Variants in ADAM17 observed in about 807,000 individuals in gnomAD.
ADAM17 encodes ADAM metallopeptidase domain 17, also known as disintegrin and metalloproteinase domain-containing protein 17.
ADAM17 carries 39 observed loss-of-function variants against 96.7 expected under a neutral mutation model. That is an observed-to-expected ratio of 0.40 (90% CI 0.31 to 0.53). The LOEUF (loss-of-function observed/expected upper bound fraction) is 0.53. ADAM17 is among the 20% of genes least tolerant of loss of function. The pLI, the probability that ADAM17 is intolerant of heterozygous loss-of-function variation, is 0.44. For synonymous variants in ADAM17, 344 were observed against 359.2 expected (o/e 0.96, Z 0.48); for missense variants, 777 against 1,013.2 (o/e 0.77, Z 3.17).
At chr2:9,505,045 G>T in intron 12 of ADAM17, 121 bp downstream of exon 12, 1 of 1,123,122 alleles carries the variant, frequency 8.9e-7, no homozygotes, top group Non-Finnish European at 1.3e-6. Context: ...AGAGGTAGAT[G>T]TAAACAAACA....
chr2:9,524,695 C>T (rs1664448350), intron 6 of ADAM17, among the ~76,000 whole-genome samples: 1 of 152,150 alleles, frequency 6.6e-6, no homozygotes, highest in Admixed American at 6.5e-5. Flanking sequence ...ACTCTCACCC[C>T]AAAAAGTTCA....
chr2:9,555,811 G>T lies in ADAM17; in HGVS notation c.-206C>A. On this transcript the variant is annotated 5_prime_UTR_variant, in exon 1 of 19. It adds an upstream start codon to the 5' untranslated region. Coordinates refer to ENST00000310823, the MANE Select transcript of ADAM17 (RefSeq NM_003183.6). ...GGTGGCGTTACCAAAGGCCGGCTCA[G>T]CCAGCTTCCGGCCGCCGCTGTCCCC... 4.6e-6 allele frequency: 2 copies of T among 437,174 alleles called. No individual in the cohort carries two copies. The highest frequency in any genetic ancestry group is 5.7e-5 in the South Asian group (1 of 17,446). The allele number at this position is 437,174 out of a possible 1,614,324, so 27.1% of individuals were successfully genotyped here.
chr2:9,525,300 A>G (rs957188064), intron 6 of ADAM17, among the ~76,000 whole-genome samples: 7 of 88,670 alleles, frequency 7.9e-5, no homozygotes, highest in East Asian at 2.1e-4. Context: ...CTCTGTGTTG[A>G]AAAAAAAAAA....
rs1365431202 is a variant in ADAM17 at position 9,502,224 on chromosome 2, T to A, written c.1597A>T (p.Lys533Ter). 5.0e-6 allele frequency: 8 copies of A among 1,613,946 alleles called. No homozygotes were observed. Reference protein sequence around the residue: ...KNCQFETAQKKCQEAINATCK... With the variant: ...KNCQFETAQK Reference sequence around the variant, plus strand: ...GTAGCATTAATCGCCTCCTGGCACTTCTTCTGGGCAGTCTCAAACTGACAG... The same window carrying A: ...GTAGCATTAATCGCCTCCTGGCACTACTTCTGGGCAGTCTCAAACTGACAG... Residue 533 changes from lysine to a stop codon, truncating the protein, a stop_gained, in exon 13 of 19, where the codon AAG (lysine) becomes TAG (stop). Coordinates refer to ENST00000310823, the MANE Select transcript of ADAM17 (RefSeq NM_003183.6). LOFTEE classifies it high-confidence loss of function.
chr2:9,522,343 T>G, intron 7 of ADAM17: 1 of 530,136 alleles, frequency 1.9e-6, no homozygotes. Flanking sequence ...CATGAATGTC[T>G]TTGGGGAAAG....
At chr2:9,520,081 C>T (rs1310727354) in intron 8 of ADAM17, among the ~76,000 whole-genome samples, 1 of 152,176 alleles carries the variant, frequency 6.6e-6, no homozygotes, top group African/African-American at 2.4e-5. Context: ...TCTATTGAAG[C>T]TTTGAAAACT....
At chr2:9,554,226 T>G (rs1665672372) in intron 1 of ADAM17, among the ~76,000 whole-genome samples, 1 of 152,248 alleles carries the variant, frequency 6.6e-6, no homozygotes, top group South Asian at 2.1e-4. Context: ...GTCAGGGTGG[T>G]GCAAATATAA....
In ADAM17 at chr2:9,490,303, T is replaced by C. The variant is rs1662017199; in HGVS notation, c.2349A>G (p.Pro783=). 1.2e-6 allele frequency: 2 copies of C among 1,614,050 alleles called. No homozygotes were observed. The highest frequency in any genetic ancestry group is 1.7e-5 in the Admixed American group (1 of 59,994). ...DEDGFEKDPF[P]NSSTAAKSFE... is the part of the protein sequence containing the mutation. ...ATGACTTGGCAGCTGTGCTGCTATT[T>C]GGGAAGGGGTCCTTCTCAAACCCAT... Residue 783 remains proline (P), a synonymous_variant, in exon 19 of 19, where the codon CCA becomes CCG. Coordinates refer to ENST00000310823, the MANE Select transcript of ADAM17 (RefSeq NM_003183.6).
At chr2:9,516,617 G>T (rs1249582510) in intron 10 of ADAM17, among the ~76,000 whole-genome samples, 2 of 152,070 alleles carry the variant, frequency 1.3e-5, no homozygotes, top group Non-Finnish European at 2.9e-5. Context: ...GCCAGGCGTG[G>T]TGACAGGTGC....
chr2:9,546,543 C>A (rs1398251991), intron 1 of ADAM17, among the ~76,000 whole-genome samples: 1 of 152,124 alleles, frequency 6.6e-6, no homozygotes, highest in East Asian at 1.9e-4. Context: ...TTTTTACAGG[C>A]TTTACAACAG....
intron 6 of ADAM17, among the ~76,000 whole-genome samples, chr2:9,525,207 G>A (rs1206571600): frequency 1.3e-5 from 2 of 150,994 alleles, no homozygotes; most frequent in Non-Finnish European, 3.0e-5. Flanking sequence ...GCTGAGGCAG[G>A]AGAATTGCTT....
In ADAM17 at chr2:9,505,270, G is replaced by A; in HGVS notation, c.1440C>T (p.Asn480=). Residue 480 remains asparagine, a synonymous_variant, in exon 12 of 19, where the codon AAC becomes AAT. Coordinates refer to ENST00000310823, the MANE Select transcript of ADAM17 (RefSeq NM_003183.6). ...FQERSNKVCG[N]SRVDEGEECD... is the part of the protein sequence containing the mutation. Reference sequence around the variant, plus strand: ...ACTCTTCTCCTTCATCCACCCTCGAGTTCCCACAAACTTTATTGCTGCGTT... The same window carrying A: ...ACTCTTCTCCTTCATCCACCCTCGAATTCCCACAAACTTTATTGCTGCGTT... The A allele has an allele frequency of 1.2e-6, 2 of 1,614,086 alleles. No homozygotes were observed. Among genetic ancestry groups the A allele is most frequent in the Non-Finnish European group, 1.7e-6 (2 of 1,180,022 alleles).
intron 1 of ADAM17, among the ~76,000 whole-genome samples, chr2:9,546,869 C>T (rs1342541806): frequency 6.6e-6 from 1 of 152,128 alleles, no homozygotes; most frequent in Non-Finnish European, 1.5e-5. Context: ...ACCACCTATC[C>T]AGCTAATTTT....
chr2:9,536,629 T>G lies in ADAM17; in HGVS notation c.361+69A>C, dbSNP rs547981108. On this transcript the variant is annotated intron_variant, in intron 3 of 18. Transcript: ENST00000310823. Reference sequence around the variant, plus strand: ...CACTATCCTGCACCAGAAAAGAATATGCAATCAAGTTAGATTTGGAGACCT... The same window carrying G: ...CACTATCCTGCACCAGAAAAGAATAGGCAATCAAGTTAGATTTGGAGACCT... The G allele has an allele frequency of 9.2e-5, 146 of 1,589,004 alleles. 1 individual carries two copies. In the South Asian group the frequency reaches 1.5e-3, roughly 17 times the overall value.
At chr2:9,539,412 G>T (rs1174412248) in intron 2 of ADAM17, among the ~76,000 whole-genome samples, 5 of 152,150 alleles carry the variant, frequency 3.3e-5, no homozygotes, top group Non-Finnish European at 7.3e-5. Flanking sequence ...ACCACGCCTA[G>T]CTGATAATTT....
chr2:9,538,052 G>C (rs1665061427), intron 2 of ADAM17, among the ~76,000 whole-genome samples: 1 of 146,862 alleles, frequency 6.8e-6, no homozygotes, highest in African/African-American at 2.5e-5. Context: ...TCTTTAGTGG[G>C]CTTACTATTC....
At chr2:9,526,322 A>G (rs1664527829) in intron 5 of ADAM17, 78 bp from the exon 6 acceptor site, 5 of 1,440,020 alleles carry the variant, frequency 3.5e-6, no homozygotes, top group South Asian at 2.6e-5. Context: ...TAAATCTAAC[A>G]TATTTTTGAA....
intron 11 of ADAM17, among the ~76,000 whole-genome samples, chr2:9,507,585 C>T (rs1000642804): frequency 1.1e-4 from 16 of 152,038 alleles, no homozygotes; most frequent in African/African-American, 3.9e-4. Flanking sequence ...ACTTGGGCAA[C>T]CAAACTAGAA....
intron 4 of ADAM17, among the ~76,000 whole-genome samples, chr2:9,529,767 T>A (rs1261671781): frequency 1.3e-5 from 2 of 151,676 alleles, no homozygotes; most frequent in Admixed American, 1.3e-4. Context: ...AGTCCAGGAG[T>A]TCGAGAACAG....
Sources: allele counts gnomAD v4.1 joint callset (sites outside exome capture counted in the v4.1 genomes callset), GRCh38; gene constraint gnomAD v4.1.1; transcripts MANE v1.5; gene names NCBI Gene and HGNC (gene_info 2026-07-23, HGNC 2026-07-21).